The following ARID1B variants were observed in gnomAD, a reference collection of about 807,000 sequenced individuals.
The protein encoded by ARID1B is AT-rich interaction domain 1B.
ARID1B carries 30 observed loss-of-function variants against 212.3 expected under a neutral mutation model. The observed-to-expected ratio is 0.14, with a 90% CI of 0.11 to 0.19. The LOEUF is 0.19. Ranked by LOEUF, ARID1B falls within the 10% of genes least tolerant of loss-of-function variation. ARID1B has a pLI of 1.00. For synonymous variants in ARID1B, 1,402 were observed against 1,301.7 expected, an observed-to-expected ratio of 1.08 and a Z score of -1.66; for missense variants, 2,891 against 3,204.0, an observed-to-expected ratio of 0.90 and a Z score of 2.36.
At chr6:156,883,816 G>A (rs1787295789) in intron 2 of ARID1B, among the ~76,000 whole-genome samples, 1 of 152,180 alleles carries the variant, frequency 6.6e-6, no homozygotes, top group Non-Finnish European at 1.5e-5. Context: ...CTCCTGTGCA[G>A]GTGTTTCCTG....
At chr6:156,968,020 CT>C (rs1278352694) in intron 4 of ARID1B, among the ~76,000 whole-genome samples, 1 of 152,136 alleles carries the variant, frequency 6.6e-6, no homozygotes, top group East Asian at 1.9e-4. Context: ...TCCTTTTCTC[CT>C]CTTAGGTCAC....
intron 2 of ARID1B, among the ~76,000 whole-genome samples, chr6:156,878,165 C>A (rs1195152793): frequency 6.6e-6 from 1 of 152,132 alleles, no homozygotes; most frequent in Non-Finnish European, 1.5e-5. Flanking sequence ...TGGTGCCACA[C>A]ATTTTGAGGC....
chr6:156,987,637 A>C (rs1052994510), intron 4 of ARID1B, among the ~76,000 whole-genome samples: 1 of 152,132 alleles, frequency 6.6e-6, no homozygotes, highest in African/African-American at 2.4e-5. Context: ...GCCCAGTGCT[A>C]GTTTTGTGCC....
intron 2 of ARID1B, among the ~76,000 whole-genome samples, chr6:156,894,390 G>A (rs11751972): frequency 0.14 from 21,417 of 151,938 alleles, 1,752 homozygotes; most frequent in Middle Eastern, 0.19. Context: ...TCCTATAAAA[G>A]GATGGTGGTG....
intron 4 of ARID1B, among the ~76,000 whole-genome samples, chr6:156,953,018 A>G (rs1258728306): frequency 1.3e-5 from 2 of 151,924 alleles, no homozygotes; most frequent in African/African-American, 4.8e-5. Context: ...CTCAACCTCA[A>G]CTCTAGGGCT....
At chr6:156,946,194 T>TAA (rs1424797519) in intron 4 of ARID1B, among the ~76,000 whole-genome samples, 2 of 115,108 alleles carry the variant, frequency 1.7e-5, no homozygotes, top group Non-Finnish European at 3.4e-5. Context: ...CCGTCTCTAC[T>TAA]AAAAATACGA....
chr6:156,847,616 A>G (rs1416609287), intron 2 of ARID1B, among the ~76,000 whole-genome samples: 1 of 152,194 alleles, frequency 6.6e-6, no homozygotes, highest in Non-Finnish European at 1.5e-5. Context: ...GAGCAGATAT[A>G]TTTTAATGAG....
chr6:157,104,893 A>G (rs1337060342), intron 5 of ARID1B, among the ~76,000 whole-genome samples: 2 of 152,258 alleles, frequency 1.3e-5, no homozygotes, highest in Non-Finnish European at 2.9e-5. Flanking sequence ...ATAGAAAAAC[A>G]TGCAAGAAAA....
At chr6:157,118,946 C>T (rs1461130963) in intron 6 of ARID1B, among the ~76,000 whole-genome samples, 1 of 152,162 alleles carries the variant, frequency 6.6e-6, no homozygotes, top group African/African-American at 2.4e-5. Context: ...GTAATTGGCT[C>T]ATTATTCTTC....
chr6:156,897,416 G>A (rs1788569458), intron 2 of ARID1B, among the ~76,000 whole-genome samples: 1 of 151,632 alleles, frequency 6.6e-6, no homozygotes, highest in Admixed American at 6.6e-5. Flanking sequence ...TGGGATTGCA[G>A]GTGTGTGCCA....
At chr6:156,845,405 GT>G (rs1007385075) in intron 2 of ARID1B, among the ~76,000 whole-genome samples, 41 of 152,162 alleles carry the variant, frequency 2.7e-4, no homozygotes, top group African/African-American at 9.6e-4. Flanking sequence ...TGTAATCCTC[GT>G]TTTAGTAGGG....
intron 15 of ARID1B, among the ~76,000 whole-genome samples, chr6:157,192,788 A>G (rs1280066349): frequency 6.6e-6 from 1 of 152,274 alleles, no homozygotes; most frequent in Non-Finnish European, 1.5e-5. Context: ...GCAGATAAAC[A>G]GAAAATCCAC....
chr6:157,009,591 C>T, intron 4 of ARID1B, among the ~76,000 whole-genome samples: 1 of 152,178 alleles, frequency 6.6e-6, no homozygotes, highest in Non-Finnish European at 1.5e-5. Context: ...AAAGCTTTAT[C>T]TGAGCAGCAC....
At chr6:156,995,453 G>T (rs544097764) in intron 4 of ARID1B, among the ~76,000 whole-genome samples, 4 of 152,204 alleles carry the variant, frequency 2.6e-5, no homozygotes, top group Non-Finnish European at 4.4e-5. Context: ...ACTCTTCTGA[G>T]CAGGCTGCCT....
intron 6 of ARID1B, chr6:157,111,077 G>A (rs1004797797): frequency 6.4e-6 from 1 of 155,728 alleles, no homozygotes; most frequent in Non-Finnish European, 1.4e-5. Context: ...AAGCAACTGG[G>A]GAGTGTAGCG....
intron 4 of ARID1B, among the ~76,000 whole-genome samples, chr6:157,021,544 G>C (rs935381887): frequency 5.9e-5 from 9 of 152,196 alleles, no homozygotes; most frequent in Non-Finnish European, 8.8e-5. Context: ...GTAGGCTCGT[G>C]GGGGCGGGGA....
chr6:156,959,727 C>G (rs1794229662), intron 4 of ARID1B, among the ~76,000 whole-genome samples: 1 of 151,910 alleles, frequency 6.6e-6, no homozygotes, highest in Non-Finnish European at 1.5e-5. Context: ...AATATATGAC[C>G]AGTTTTAAAA....
chr6:157,192,668 ATGT>A (rs1793465439), intron 15 of ARID1B, among the ~76,000 whole-genome samples: 1 of 152,224 alleles, frequency 6.6e-6, no homozygotes, highest in Non-Finnish European at 1.5e-5. Flanking sequence ...ACTGTCTGTA[ATGT>A]TGTTTTCATC....
At chr6:157,159,789 G>T (rs1488931357) in intron 8 of ARID1B, among the ~76,000 whole-genome samples, 4 of 152,198 alleles carry the variant, frequency 2.6e-5, no homozygotes, top group Non-Finnish European at 5.9e-5. Flanking sequence ...ACATTTTAAA[G>T]GACCAGGCAA....
Sources: gnomAD v4.1 joint callset for allele counts (sites outside exome capture counted in the v4.1 genomes callset) on GRCh38, gnomAD v4.1.1 for gene constraint, MANE v1.5 for transcripts, NCBI Gene and HGNC (gene_info 2026-07-23, HGNC 2026-07-21) for gene names.